Variants in ALDH18A1 observed in about 807,000 individuals in gnomAD.
ALDH18A1 encodes aldehyde dehydrogenase 18 family member A1.
Under a neutral mutation model 88.8 loss-of-function variants are expected in ALDH18A1, and 44 were observed. The ratio of observed to expected loss-of-function variants is 0.50; its 90% CI spans 0.39 to 0.64. ALDH18A1 has a LOEUF of 0.64. ALDH18A1 is among the 30% of genes least tolerant of loss of function. The pLI is 0.00. For missense variants in ALDH18A1, 782 were observed against 1,009.5 expected (o/e 0.77, Z 3.05); for synonymous variants, 331 against 372.1 (o/e 0.89, Z 1.27).
chr10:95,653,253 A>ACGT, intron 2 of ALDH18A1, 37 bp downstream of exon 2: 1 of 1,520,178 alleles, frequency 6.6e-7, no homozygotes. Context: ...TGACTATCAA[A>ACGT]CGTCCCACAT....
chr10:95,623,949 C>T (rs1221110018), intron 11 of ALDH18A1, among the ~76,000 whole-genome samples: 1 of 152,160 alleles, frequency 6.6e-6, no homozygotes, highest in Non-Finnish European at 1.5e-5. Flanking sequence ...GATCCGCCCA[C>T]CTTGGCCTCT....
intron 13 of ALDH18A1, 104 bp downstream of exon 13, chr10:95,616,373 T>C (rs1025759167): frequency 2.1e-6 from 3 of 1,461,136 alleles, no homozygotes; most frequent in South Asian, 2.5e-5. Context: ...TCAAGTCTGC[T>C]TGTAGTAGTG....
chr10:95,625,311 A>G (rs746765135), intron 11 of ALDH18A1, 51 bp downstream of exon 11: 2 of 1,521,184 alleles, frequency 1.3e-6, no homozygotes, highest in African/African-American at 2.7e-5. Context: ...CTAAAAACCA[A>G]AATAATGCAC....
intron 16 of ALDH18A1, 147 bp downstream of exon 16, chr10:95,611,109 C>T (rs777804823): frequency 2.3e-5 from 21 of 898,016 alleles, no homozygotes; most frequent in Non-Finnish European, 3.7e-5. Context: ...TGAAAGCACT[C>T]ATCAAAGTAC....
chr10:95,635,933 G>A (rs1185814818), intron 5 of ALDH18A1, among the ~76,000 whole-genome samples: 2 of 151,956 alleles, frequency 1.3e-5, no homozygotes, highest in Non-Finnish European at 2.9e-5. Context: ...TCATTGGACT[G>A]TGAAGAGAAA....
intron 7 of ALDH18A1, among the ~76,000 whole-genome samples, chr10:95,631,692 G>A (rs1292775964): frequency 1.4e-4 from 18 of 132,748 alleles, no homozygotes; most frequent in East Asian, 4.8e-4. Flanking sequence ...GCGGTGAGCC[G>A]ATATTGTGCC....
intron 3 of ALDH18A1, among the ~76,000 whole-genome samples, chr10:95,639,949 A>T (rs192684095): frequency 4.0e-4 from 60 of 151,176 alleles, no homozygotes; most frequent in African/African-American, 1.1e-3. Context: ...ACAAGTCTTT[A>T]TAAGTTGTGG....
intron 8 of ALDH18A1, 131 bp from the exon 9 acceptor site, chr10:95,627,717 CT>C: frequency 1.7e-6 from 2 of 1,159,562 alleles, no homozygotes; most frequent in Non-Finnish European, 2.5e-6. Context: ...TTTTTAAAAG[CT>C]TAGAAGCTCT....
chr10:95,628,405 G>A lies in ALDH18A1; in HGVS notation c.896C>T (p.Thr299Ile), dbSNP rs2275272. ...GCCACCCATTCCCACTCTAGACTTG[G>A]TTCCAAATGTCACAGACTGCTGATC... is the stretch of plus-strand genomic sequence containing the variant. ...PGDQQSVTFG[T>I]KSRVGMGGME... is the part of the protein sequence containing the mutation. Residue 299 changes from threonine to isoleucine, a missense_variant, in exon 8 of 18, where the codon ACC becomes ATC. By Grantham distance (89) the Thr-to-Ile change is moderately conservative. Coordinates refer to ENST00000371224, the MANE Select transcript of ALDH18A1 (RefSeq NM_002860.4). 0.12 allele frequency: 188,653 copies of A among 1,613,818 alleles called. 11,755 individuals carry two copies. Among genetic ancestry groups the A allele is most frequent in the Middle Eastern group, 0.17 (1,016 of 6,060 alleles).
At chr10:95,616,435 T>G (rs2097844289) in intron 13 of ALDH18A1, 42 bp downstream of exon 13, 1 of 1,552,560 alleles carries the variant, frequency 6.4e-7, no homozygotes, top group African/African-American at 1.4e-5. Context: ...ACACCTGATC[T>G]GGCCCCTCTG....
chr10:95,655,676 AAG>A (rs1017175843), intron 1 of ALDH18A1, among the ~76,000 whole-genome samples: 1 of 70,356 alleles, frequency 1.4e-5, no homozygotes, highest in Non-Finnish European at 3.5e-5. Flanking sequence ...CCAAGGAGCA[AAG>A]AGAGTGTGTG....
At chr10:95,629,857 G>C (rs1392309258) in intron 7 of ALDH18A1, among the ~76,000 whole-genome samples, 1 of 152,058 alleles carries the variant, frequency 6.6e-6, no homozygotes, top group Non-Finnish European at 1.5e-5. Flanking sequence ...CCCGATTTTG[G>C]TGCTTGAAGC....
chr10:95,633,236 T>G (rs3750700), intron 6 of ALDH18A1, among the ~76,000 whole-genome samples, 187 bp from the exon 7 acceptor site: 1 of 151,644 alleles, frequency 6.6e-6, no homozygotes, highest in Admixed American at 6.6e-5. Context: ...CTGGCAATCC[T>G]TTTTCCAAAC....
chr10:95,653,248 A>G (rs755747193), intron 2 of ALDH18A1, 42 bp downstream of exon 2: 2 of 1,505,022 alleles, frequency 1.3e-6, no homozygotes, highest in African/African-American at 2.8e-5. Context: ...TACTTTGACT[A>G]TCAAACGTCC....
chr10:95,609,980 C>T (rs557633125), intron 17 of ALDH18A1, among the ~76,000 whole-genome samples: 39 of 151,916 alleles, frequency 2.6e-4, no homozygotes, highest in East Asian at 1.4e-3. Flanking sequence ...ATGTTGGCCA[C>T]GCTGGTCTCG....
chr10:95,649,899 AC>A (rs201567624), intron 2 of ALDH18A1, among the ~76,000 whole-genome samples: 38 of 150,498 alleles, frequency 2.5e-4, no homozygotes, highest in Non-Finnish European at 2.8e-4. Context: ...AAAAAAAAAA[AC>A]AAAGAAAAAA....
At chr10:95,654,444 C>T (rs951620508) in intron 1 of ALDH18A1, among the ~76,000 whole-genome samples, 4 of 152,088 alleles carry the variant, frequency 2.6e-5, no homozygotes, top group African/African-American at 7.2e-5. Context: ...TCTTTTTATG[C>T]TACAGAGACA....
intron 12 of ALDH18A1, among the ~76,000 whole-genome samples, chr10:95,619,769 C>T (rs1287818380): frequency 3.9e-5 from 6 of 152,160 alleles, no homozygotes; most frequent in Non-Finnish European, 2.9e-5. Flanking sequence ...CTTCCTTACA[C>T]CTTATACAAA....
chr10:95,653,531 G>A (rs2139670673), intron 1 of ALDH18A1, 126 bp from the exon 2 acceptor site: 4 of 762,740 alleles, frequency 5.2e-6, no homozygotes, highest in African/African-American at 3.5e-5. Context: ...CTCTGTATTA[G>A]GGAAACTCCC....
Sources: allele counts gnomAD v4.1 joint callset (sites outside exome capture counted in the v4.1 genomes callset), GRCh38; gene constraint gnomAD v4.1.1; transcripts MANE v1.5; gene names NCBI Gene and HGNC (gene_info 2026-07-23, HGNC 2026-07-21).